ITGAE: variants seen among roughly 807,000 people sequenced by gnomAD.
ITGAE encodes integrin alpha-E.
ITGAE carries 99 observed loss-of-function variants against 136.5 expected under a neutral mutation model. That is an observed-to-expected ratio of 0.73 (90% CI 0.62 to 0.86). The LOEUF (loss-of-function observed/expected upper bound fraction) is 0.86, where lower values mean the gene tolerates loss of function less well. ITGAE is among the 40% of genes least tolerant of loss of function. The pLI is 0.00. For missense variants in ITGAE, 1,447 were observed against 1,515.3 expected (o/e 0.95, Z 0.75); for synonymous variants, 613 against 591.8 (o/e 1.04, Z -0.52).
chr17:3,796,002 CGT>C (rs1487963274), intron 1 of ITGAE, among the ~76,000 whole-genome samples: 16 of 65,800 alleles, frequency 2.4e-4, no homozygotes, highest in South Asian at 1.3e-3. Context: ...TGTGTGCATC[CGT>C]GTGTGCATCC....
chr17:3,763,305 G>GCTTCATTC (rs2052218460), intron 3 of ITGAE, among the ~76,000 whole-genome samples: 2 of 99,482 alleles, frequency 2.0e-5, no homozygotes, highest in Non-Finnish European at 4.3e-5. Context: ...GAGTGAATCA[G>GCTTCATTC]GTTCATTCAT....
intron 15 of ITGAE, among the ~76,000 whole-genome samples, chr17:3,751,033 G>A (rs1026372740): frequency 9.2e-5 from 14 of 152,072 alleles, no homozygotes; most frequent in African/African-American, 2.9e-4. Flanking sequence ...GGAACTGACA[G>A]GCTGTGCAGG....
intron 1 of ITGAE, among the ~76,000 whole-genome samples, chr17:3,779,872 AC>A (rs1436950468): frequency 8.1e-4 from 124 of 152,304 alleles, no homozygotes; most frequent in African/African-American, 2.7e-3. Context: ...TCATACTCCA[AC>A]GACAGCATGG....
chr17:3,762,398 C>A (rs529384872), intron 3 of ITGAE, among the ~76,000 whole-genome samples: 1 of 152,034 alleles, frequency 6.6e-6, no homozygotes, highest in Non-Finnish European at 1.5e-5. Flanking sequence ...GACCAAGGAA[C>A]CCCCCAGCCT....
At chr17:3,743,707 T>TTC (rs2051643040) in intron 18 of ITGAE, 90 bp from the exon 19 acceptor site, 2 of 1,017,326 alleles carry the variant, frequency 2.0e-6, no homozygotes, top group Non-Finnish European at 2.7e-6. Flanking sequence ...CTTTTTTTCT[T>TTC]TTTTTTTTTT....
At chr17:3,782,222 C>G (rs896668140) in intron 1 of ITGAE, among the ~76,000 whole-genome samples, 30 of 132,974 alleles carry the variant, frequency 2.3e-4, no homozygotes, top group African/African-American at 8.3e-4. Flanking sequence ...TTGCGGTGAA[C>G]TGACATCGCG....
chr17:3,765,560 C>A (rs2052279272), intron 2 of ITGAE, among the ~76,000 whole-genome samples: 1 of 152,016 alleles, frequency 6.6e-6, no homozygotes, highest in Non-Finnish European at 1.5e-5. Flanking sequence ...ATCCGCCCAC[C>A]CACAACTGAA....
chr17:3,743,542 C>T lies in ITGAE; in HGVS notation c.2395G>A (p.Asp799Asn), dbSNP rs749279229. Reference protein sequence around the residue: ...YQLQTPEGQTDHPQPILDRYT... With the variant: ...YQLQTPEGQTNHPQPILDRYT... ...CGGTCCAGGATGGGCTGGGGATGGT[C>T]CGTCTGTCCCTCAGGGGTCTGGAGC... Residue 799 changes from aspartate to asparagine, a missense_variant, in exon 19 of 31, where the codon GAC (aspartate) becomes AAC (asparagine). Physicochemically the swap from Asp to Asn is conservative, Grantham distance 23 (BLOSUM62 1). This residue lies in a region of ITGAE where 1,031 missense variants were observed against 1,011.4 expected (regional missense o/e 1.02). Transcript: ENST00000263087. 3 of 1,611,840 alleles carry T rather than the reference C, an allele frequency of 1.9e-6. No homozygotes were observed. The South Asian group carries it at 3.3e-5, about 18-fold the overall frequency.
intron 1 of ITGAE, among the ~76,000 whole-genome samples, chr17:3,791,066 A>G (rs146259253): frequency 0.054 from 8,194 of 150,744 alleles, 756 homozygotes; most frequent in African/African-American, 0.19. Context: ...GAGGCAGGAG[A>G]ATGGCGTGAA....
chr17:3,775,864 TAC>T (rs569416582), intron 2 of ITGAE, among the ~76,000 whole-genome samples: 63 of 152,216 alleles, frequency 4.1e-4, no homozygotes, highest in African/African-American at 1.3e-3. Flanking sequence ...CTTTACCAGA[TAC>T]GGCAAAATTG....
chr17:3,730,917 T>C (rs533858951), intron 23 of ITGAE, among the ~76,000 whole-genome samples, 187 bp downstream of exon 23: 2 of 152,316 alleles, frequency 1.3e-5, no homozygotes, highest in East Asian at 3.8e-4. Context: ...AAGAACATTT[T>C]CATTATCTCT....
At chr17:3,765,039 T>TTAGC (rs1350730396) in intron 2 of ITGAE, among the ~76,000 whole-genome samples, 1 of 151,698 alleles carries the variant, frequency 6.6e-6, no homozygotes, top group East Asian at 1.9e-4. Context: ...AAGCACATGA[T>TTAGC]TAGCTGTGCT....
Position 3,753,852 on chromosome 17 carries a change from A to G in ITGAE, c.1458T>C (p.His486=). 6.2e-7 allele frequency: 1 copy of G among 1,614,152 alleles called. No individual in the cohort carries two copies. Among genetic ancestry groups the G allele is most frequent in the Non-Finnish European group, 8.5e-7 (1 of 1,180,004 alleles). The stretch of plus-strand genomic sequence containing the variant: ...CCTTCTGGAGCTCAAACACGGCCCC[A>G]TGATGTTTGTACCGTGGAGCCCCCG... ...YIAGAPRYKH[H]GAVFELQKEG... is the part of the protein sequence containing the mutation. Residue 486 remains histidine, a synonymous_variant, in exon 13 of 31, where the codon CAT becomes CAC. Transcript: ENST00000263087.
Position 3,799,739 on chromosome 17 carries a change from T to C in ITGAE, c.34+1372A>G, listed in dbSNP as rs2053204432. Among the ~76,000 whole-genome samples, 1 of 152,170 alleles carries C rather than the reference T, an allele frequency of 6.6e-6. No homozygotes were observed. Among genetic ancestry groups the C allele is most frequent in the Admixed American group, 6.5e-5 (1 of 15,280 alleles). ...TGAGACTCTCTCCACACCCCACATG[T>C]AACTAAAAACAGAGAAGTCTAAATT... On this transcript the variant is annotated intron_variant, in intron 1 of 30. Coordinates refer to ENST00000263087, the MANE Select transcript of ITGAE (RefSeq NM_002208.5). The surrounding 1 kb of genome is among the most constrained non-coding windows in gnomAD (Gnocchi z 4.1).
intron 1 of ITGAE, among the ~76,000 whole-genome samples, chr17:3,793,716 T>G (rs912189678): frequency 2.0e-5 from 3 of 152,098 alleles, no homozygotes; most frequent in Admixed American, 6.6e-5. Flanking sequence ...TCCTGGCTAA[T>G]TTTTGTATTT....
At chr17:3,758,528 T>C (rs1198087026) in intron 8 of ITGAE, among the ~76,000 whole-genome samples, 1 of 152,124 alleles carries the variant, frequency 6.6e-6, no homozygotes, top group African/African-American at 2.4e-5. Flanking sequence ...CTCAGCTCAC[T>C]GCAACCTCTG....
intron 2 of ITGAE, among the ~76,000 whole-genome samples, chr17:3,765,619 C>T (rs2052280694): frequency 2.0e-5 from 3 of 152,132 alleles, no homozygotes; most frequent in Admixed American, 2.0e-4. Context: ...CTGTGAAGGT[C>T]ACCAGGGGCC....
Position 3,755,439 on chromosome 17 carries a change from C to T in ITGAE, c.1240-178G>A, listed in dbSNP as rs189405239. Among the ~76,000 whole-genome samples the T allele has an allele frequency of 3.7e-3, 563 of 152,326 alleles. 4 individuals are homozygous for T. The highest frequency in any genetic ancestry group is 0.013 in the African/African-American group (529 of 41,576). ...AAGGTGAGATGGCCAACACTGGGCT[C>T]CTGCCTCGTGCCCTTGCACTCCCTC... On this transcript the variant is annotated intron_variant, in intron 11 of 30. Transcript: ENST00000263087.
intron 17 of ITGAE, 45 bp from the exon 18 acceptor site, chr17:3,745,972 A>G (rs772109312): frequency 6.4e-7 from 1 of 1,571,966 alleles, no homozygotes; most frequent in South Asian, 1.2e-5. Context: ...GGGATGAGCC[A>G]GCCGCAGACA....
Sources: allele counts gnomAD v4.1 joint callset (sites outside exome capture counted in the v4.1 genomes callset), GRCh38; gene constraint gnomAD v4.1.1; regional missense constraint gnomAD v4.1.1; non-coding constraint Gnocchi (gnomAD v3.1); transcripts MANE v1.5; gene names NCBI Gene and HGNC (gene_info 2026-07-23, HGNC 2026-07-21).